The following PPP2R5E variants were observed in gnomAD, a reference collection of about 807,000 sequenced individuals.
The protein encoded by PPP2R5E is serine/threonine-protein phosphatase 2A 56 kDa regulatory subunit epsilon isoform.
Under a neutral mutation model 65.3 loss-of-function variants are expected in PPP2R5E, and 4 were observed. The observed-to-expected ratio is 0.06, with a 90% CI of 0.03 to 0.14. The LOEUF (loss-of-function observed/expected upper bound fraction) is 0.14. Ranked by LOEUF, PPP2R5E falls within the 10% of genes least tolerant of loss-of-function variation. PPP2R5E has a pLI of 1.00. For missense variants in PPP2R5E, 274 were observed against 556.1 expected, an observed-to-expected ratio of 0.49 and a Z score of 5.10; for synonymous variants, 183 against 187.4, an observed-to-expected ratio of 0.98 and a Z score of 0.19.
In PPP2R5E at chr14:63,393,801, T is replaced by C; in HGVS notation, c.849+19A>G. 6.9e-7 allele frequency: 1 copy of C among 1,454,990 alleles called. No homozygotes were observed. Among genetic ancestry groups the C allele is most frequent in the Non-Finnish European group, 9.5e-7 (1 of 1,050,958 alleles). 90.1% of individuals were successfully genotyped at this position (1,454,990 alleles called of 1,614,324 possible). A position where few individuals can be genotyped will look rare whatever the true frequency, so the allele number is the denominator to read the frequency against. ...CTTTTTATTTTGCTTCTAAAAGTAGTTGTACAAAATCCTCCTACCTGTGCA... is the reference window on the plus strand; with the variant it reads ...CTTTTTATTTTGCTTCTAAAAGTAGCTGTACAAAATCCTCCTACCTGTGCA... On this transcript the variant is annotated intron_variant, in intron 8 of 13. Transcript: ENST00000337537.
intron 5 of PPP2R5E, among the ~76,000 whole-genome samples, chr14:63,403,203 G>C (rs181707809): frequency 6.6e-6 from 1 of 152,180 alleles, no homozygotes; most frequent in African/African-American, 2.4e-5. Context: ...AAGGCGGGCT[G>C]ATCACTTGAG....
chr14:63,504,411 A>C (rs1446036002), intron 2 of PPP2R5E, among the ~76,000 whole-genome samples: 1 of 151,978 alleles, frequency 6.6e-6, no homozygotes, highest in Admixed American at 6.6e-5. Flanking sequence ...GCAAAACCCC[A>C]TCTCTACTAA....
At chr14:63,504,560 C>T (rs118176743) in intron 2 of PPP2R5E, among the ~76,000 whole-genome samples, 5,151 of 152,098 alleles carry the variant, frequency 0.034, 103 homozygotes, top group East Asian at 0.045. Context: ...CCAGCCTCGG[C>T]GACAGAGTGA....
At position 63,530,984 on chromosome 14, in the gene PPP2R5E, G is replaced by T. The variant is rs541307746; in HGVS notation, c.157+8545C>A. Among the ~76,000 whole-genome samples, 25 of 152,114 alleles carry T rather than the reference G, an allele frequency of 1.6e-4. No individual in the cohort carries two copies. The South Asian group carries it at 5.2e-3, about 32-fold the overall frequency. The stretch of plus-strand genomic sequence containing the variant: ...CTATGCTACAGAAGCAAACTATTAG[G>T]ATATATTAAAAAATGTATATTCCTT... On this transcript the variant is annotated intron_variant, in intron 2 of 13. Transcript: ENST00000337537.
intron 8 of PPP2R5E, among the ~76,000 whole-genome samples, chr14:63,392,249 G>T (rs1885066671): frequency 6.6e-6 from 1 of 152,152 alleles, no homozygotes; most frequent in Non-Finnish European, 1.5e-5. Flanking sequence ...CTTTAAAAAA[G>T]AGTATTAGGA....
intron 2 of PPP2R5E, among the ~76,000 whole-genome samples, chr14:63,501,888 A>T (rs940801599): frequency 6.6e-6 from 1 of 152,046 alleles, no homozygotes; most frequent in African/African-American, 2.4e-5. Context: ...TAAAAATTAG[A>T]GTTTTGTTAA....
Position 63,415,178 on chromosome 14 carries a change from T to C in PPP2R5E, c.511A>G (p.Ile171Val). ...TTCTGATCTATATATTTTTTGGCAATGCTGGGTTGGAATTCTTGGCTTTCC... is the reference window on the plus strand; with the variant it reads ...TTCTGATCTATATATTTTTTGGCAACGCTGGGTTGGAATTCTTGGCTTTCC... ...FLESQEFQPS[I>V]AKKYIDQKFV... The change falls in exon 5 of 14, where the codon ATT (isoleucine) becomes GTT (valine). Residue 171 changes from isoleucine (I) to valine (V), a missense_variant. Transcript: ENST00000337537. The C allele has an allele frequency of 6.2e-7, 1 of 1,604,840 alleles. No individual in the cohort carries two copies. The highest frequency in any genetic ancestry group is 8.5e-7 in the Non-Finnish European group (1 of 1,172,310).
intron 3 of PPP2R5E, among the ~76,000 whole-genome samples, chr14:63,448,782 T>A (rs1266411718): frequency 7.7e-6 from 1 of 130,248 alleles, no homozygotes; most frequent in Non-Finnish European, 1.5e-5. Context: ...AGAACAAGAC[T>A]TCGTCAAAAA....
rs377108100 is a variant in PPP2R5E, at chr14:63,491,003, T to TA, written c.158-37119dup. Reference sequence around the variant, plus strand: ...AATCAACCTTCAACAGTGGACTGGATAAAAAAAAAAAATGTGGAACATATA... The same window carrying TA: ...AATCAACCTTCAACAGTGGACTGGATAAAAAAAAAAAAATGTGGAACATATA... On this transcript the variant is annotated intron_variant, in intron 2 of 13. Transcript: ENST00000337537. Among the ~76,000 whole-genome samples the TA allele has an allele frequency of 3.5e-3, 493 of 141,840 alleles. 20 individuals carry two copies. The East Asian group carries it at 0.078, about 22-fold the overall frequency. The allele number at this position is 141,840 out of a possible 152,430, so 93.1% of individuals were successfully genotyped here.
chr14:63,535,368 C>G (rs140370353), intron 2 of PPP2R5E, among the ~76,000 whole-genome samples: 1 of 152,114 alleles, frequency 6.6e-6, no homozygotes, highest in African/African-American at 2.4e-5. Context: ...TTGCAGTGAG[C>G]TGAGATCGCA....
At chr14:63,416,497 C>T (rs1003968172) in intron 4 of PPP2R5E, among the ~76,000 whole-genome samples, 2 of 151,144 alleles carry the variant, frequency 1.3e-5, no homozygotes, top group Non-Finnish European at 2.9e-5. Flanking sequence ...TAACATGTAT[C>T]ATCATCACTA....
At chr14:63,393,987 C>G (rs1214145909) in intron 7 of PPP2R5E, 59 bp from the exon 8 acceptor site, 1 of 998,350 alleles carries the variant, frequency 1.0e-6, no homozygotes, top group East Asian at 2.5e-5. Flanking sequence ...CTGAGACAAA[C>G]TGTTCTTGTG....
chr14:63,439,381 TTC>T (rs1239236664), intron 3 of PPP2R5E, among the ~76,000 whole-genome samples: 1 of 152,044 alleles, frequency 6.6e-6, no homozygotes, highest in Non-Finnish European at 1.5e-5. Flanking sequence ...TTGTTTTTGT[TTC>T]TGTTTTTTGA....
At chr14:63,506,281 T>G (rs1214990868) in intron 2 of PPP2R5E, among the ~76,000 whole-genome samples, 2 of 151,954 alleles carry the variant, frequency 1.3e-5, no homozygotes, top group Non-Finnish European at 2.9e-5. Flanking sequence ...AAACCCCGTC[T>G]CTACTAAAAA....
chr14:63,393,833 A>C lies in PPP2R5E; in HGVS notation c.836T>G (p.Leu279Arg), dbSNP rs972109757. Reference sequence around the variant, plus strand: ...AAATCCTCCTACCTGTGCATGGAAGAGTGATAAGCTCCTGACAGTGTGTAA... The same window carrying C: ...AAATCCTCCTACCTGTGCATGGAAGCGTGATAAGCTCCTGACAGTGTGTAA... ...IPLHTVRSLS[L>R]FHAQLAYCIV... The change falls in exon 8 of 14, where the codon CTC (leucine) becomes CGC (arginine). Residue 279 changes from leucine (L) to arginine (R), a missense_variant. Leu to Arg is a moderately radical substitution (Grantham distance 102). Around this residue, in one of 6 missense-constraint regions of PPP2R5E, gnomAD observed 129 missense variants for 254.9 expected, o/e 0.51. Transcript: ENST00000337537. 1.3e-6 allele frequency: 2 copies of C among 1,593,832 alleles called. No individual in the cohort carries two copies. Among genetic ancestry groups the C allele is most frequent in the African/African-American group, 2.7e-5 (2 of 74,534 alleles).
chr14:63,430,243 G>A (rs942590887), intron 3 of PPP2R5E, among the ~76,000 whole-genome samples: 1 of 152,132 alleles, frequency 6.6e-6, no homozygotes, highest in Non-Finnish European at 1.5e-5. Flanking sequence ...ACCAGGCACA[G>A]TGGCTCACGC....
At chr14:63,488,137 G>T (rs891426274) in intron 2 of PPP2R5E, among the ~76,000 whole-genome samples, 1 of 151,642 alleles carries the variant, frequency 6.6e-6, no homozygotes, top group African/African-American at 2.4e-5. Flanking sequence ...TCTTCCAAAC[G>T]CTTTCCTGCT....
chr14:63,437,940 T>C (rs1020810598), intron 3 of PPP2R5E, among the ~76,000 whole-genome samples: 26 of 152,190 alleles, frequency 1.7e-4, no homozygotes, highest in African/African-American at 6.3e-4. Flanking sequence ...TCTCCACTAC[T>C]TGGCCAACCC....
At chr14:63,408,420 T>C (rs1032747250) in intron 5 of PPP2R5E, among the ~76,000 whole-genome samples, 2 of 152,244 alleles carry the variant, frequency 1.3e-5, no homozygotes, top group Non-Finnish European at 2.9e-5. Flanking sequence ...TTCGTTTATT[T>C]GGTACATCTT....
Sources: gnomAD v4.1 joint callset for allele counts (sites outside exome capture counted in the v4.1 genomes callset) on GRCh38, gnomAD v4.1.1 for gene constraint, gnomAD v4.1.1 regional missense constraint, MANE v1.5 for transcripts, NCBI Gene and HGNC (gene_info 2026-07-23, HGNC 2026-07-21) for gene names.